The following GALNT13 variants were observed in gnomAD, a reference collection of about 807,000 sequenced individuals.
GALNT13 encodes the protein UDP-GalNAc:polypeptide N-acetylgalactosaminyltransferase 13.
A neutral mutation model predicts 64.2 loss-of-function variants in GALNT13; 28 were observed. The ratio of observed to expected loss-of-function variants is 0.44; its 90% CI spans 0.32 to 0.60. The LOEUF is 0.60. Ranked by LOEUF, GALNT13 falls within the 20% of genes least tolerant of loss-of-function variation. The pLI is 0.05. For synonymous variants in GALNT13, 214 were observed against 224.6 expected (o/e 0.95, Z 0.42); for missense variants, 577 against 669.8 (o/e 0.86, Z 1.53).
At chr2:153,443,891 C>G in the GALNT13 span, among the ~76,000 whole-genome samples, 2 of 152,072 alleles carry the variant, frequency 1.3e-5, no homozygotes, top group African/African-American at 2.4e-5. Flanking sequence ...CCATTGCACT[C>G]CAGCCTGGGT....
chr2:153,796,807 T>C, the GALNT13 span, among the ~76,000 whole-genome samples: 5 of 152,276 alleles, frequency 3.3e-5, no homozygotes, highest in African/African-American at 1.2e-4. Flanking sequence ...TTAAAAAATA[T>C]ATAATGGCAG....
chr2:154,172,954 C>T (rs1411015588), intron 4 of GALNT13, among the ~76,000 whole-genome samples: 1 of 151,862 alleles, frequency 6.6e-6, no homozygotes, highest in Non-Finnish European at 1.5e-5. Flanking sequence ...GCATTATTCA[C>T]AGAAATAGAA....
At chr2:153,493,851 T>C in the GALNT13 span, among the ~76,000 whole-genome samples, 1 of 151,882 alleles carries the variant, frequency 6.6e-6, no homozygotes, top group East Asian at 1.9e-4. Flanking sequence ...AAAAAAATCA[T>C]AGTAGTTTGT....
chr2:153,514,225 C>A, the GALNT13 span, among the ~76,000 whole-genome samples: 5 of 152,202 alleles, frequency 3.3e-5, no homozygotes, highest in East Asian at 9.7e-4. Context: ...ATTCCAGCTT[C>A]TGAAATCATT....
the GALNT13 span, among the ~76,000 whole-genome samples, chr2:153,105,663 T>C: frequency 1.3e-5 from 2 of 152,270 alleles, no homozygotes; most frequent in Admixed American, 6.5e-5. Flanking sequence ...ATAAGCAACT[T>C]CAGCAAAGTC....
chr2:153,869,093 C>T (rs1685809293), upstream of GALNT13, among the ~76,000 whole-genome samples: 1 of 152,160 alleles, frequency 6.6e-6, no homozygotes, highest in South Asian at 2.1e-4. Context: ...CATCATCATT[C>T]TCTCTATAGG....
the GALNT13 span, among the ~76,000 whole-genome samples, chr2:153,849,719 A>C: frequency 6.6e-6 from 1 of 152,146 alleles, no homozygotes; most frequent in Non-Finnish European, 1.5e-5. Flanking sequence ...CAGGGAGGGC[A>C]TGGTGGTACA....
the GALNT13 span, among the ~76,000 whole-genome samples, chr2:153,434,680 G>T: frequency 5.9e-5 from 9 of 152,074 alleles, no homozygotes; most frequent in East Asian, 5.8e-4. Flanking sequence ...GGGTTGTTTG[G>T]TTTTTTTCTT....
At chr2:153,403,042 TC>T in the GALNT13 span, among the ~76,000 whole-genome samples, 1 of 151,034 alleles carries the variant, frequency 6.6e-6, no homozygotes, top group Admixed American at 6.6e-5. Context: ...TTCTGTTTTT[TC>T]CCCATCTTTG....
the GALNT13 span, among the ~76,000 whole-genome samples, chr2:153,221,057 T>A: frequency 6.6e-6 from 1 of 152,152 alleles, no homozygotes; most frequent in Non-Finnish European, 1.5e-5. Flanking sequence ...ACCTGGGTGA[T>A]GAAATAATCT....
At chr2:153,875,423 CCTT>C (rs1371510801) in intron 1 of GALNT13, among the ~76,000 whole-genome samples, 2 of 152,016 alleles carry the variant, frequency 1.3e-5, no homozygotes, top group African/African-American at 4.8e-5. Flanking sequence ...GTTTGAGAGA[CCTT>C]CTATTTGTTT....
At chr2:153,133,862 T>C in the GALNT13 span, among the ~76,000 whole-genome samples, 1 of 152,178 alleles carries the variant, frequency 6.6e-6, no homozygotes, top group African/African-American at 2.4e-5. Flanking sequence ...AAGAGCTGTT[T>C]TGTGTTTCTT....
the GALNT13 span, among the ~76,000 whole-genome samples, chr2:153,257,279 C>G: frequency 1.3e-5 from 2 of 152,136 alleles, no homozygotes; most frequent in African/African-American, 4.8e-5. Context: ...CTTGGGCTTC[C>G]CAAGTGAGGC....
the GALNT13 span, among the ~76,000 whole-genome samples, chr2:153,806,595 T>C: frequency 6.6e-6 from 1 of 150,672 alleles, no homozygotes; most frequent in East Asian, 2.0e-4. Flanking sequence ...TGTGGCTCTC[T>C]AGGAAAGAAA....
intron 2 of GALNT13, among the ~76,000 whole-genome samples, chr2:153,914,117 T>G (rs1689168025): frequency 1.3e-5 from 2 of 152,332 alleles, no homozygotes; most frequent in South Asian, 2.1e-4. Flanking sequence ...TTTCAAAATC[T>G]TATAGCTTTA....
chr2:153,595,648 A>C, the GALNT13 span, among the ~76,000 whole-genome samples: 1 of 152,110 alleles, frequency 6.6e-6, no homozygotes, highest in African/African-American at 2.4e-5. Flanking sequence ...AATTATTACA[A>C]AATGAGCTAG....
At chr2:153,730,891 C>G in the GALNT13 span, among the ~76,000 whole-genome samples, 2 of 151,828 alleles carry the variant, frequency 1.3e-5, no homozygotes, top group African/African-American at 4.8e-5. Flanking sequence ...CAAAAGACAA[C>G]AGATGTTGAT....
the GALNT13 span, among the ~76,000 whole-genome samples, chr2:153,388,641 T>A: frequency 6.6e-6 from 1 of 152,072 alleles, no homozygotes; most frequent in Admixed American, 6.6e-5. Flanking sequence ...TTGAAGGGAC[T>A]TTTGCAATTT....
At chr2:153,812,366 T>C in the GALNT13 span, among the ~76,000 whole-genome samples, 1 of 152,198 alleles carries the variant, frequency 6.6e-6, no homozygotes, top group African/African-American at 2.4e-5. Flanking sequence ...CCTTTATTCT[T>C]AGGTTTCTAT....
Sources: gnomAD v4.1 joint callset for allele counts (sites outside exome capture counted in the v4.1 genomes callset) on GRCh38, gnomAD v4.1.1 for gene constraint, MANE v1.5 for transcripts, NCBI Gene and HGNC (gene_info 2026-07-23, HGNC 2026-07-21) for gene names.